GAB4: variants seen among roughly 807,000 people sequenced by gnomAD.
The protein encoded by GAB4 is GRB2-associated-binding protein 4.
A neutral mutation model predicts 51.3 loss-of-function variants in GAB4; 26 were observed. The ratio of observed to expected loss-of-function variants is 0.51; its 90% CI spans 0.37 to 0.70. The LOEUF is 0.70. Among genes scored for constraint, GAB4 ranks in the 30% least tolerant of loss-of-function variants. The pLI, the probability that GAB4 is intolerant of heterozygous loss-of-function variation, is 0.00. For synonymous variants in GAB4, 329 were observed against 291.2 expected, an observed-to-expected ratio of 1.13 and a Z score of -1.32; for missense variants, 759 against 734.6, an observed-to-expected ratio of 1.03 and a Z score of -0.38.
Position 16,987,960 on chromosome 22 carries a change from C to A in GAB4, c.686G>T (p.Arg229Met), listed in dbSNP as rs760414370. 2.5e-6 allele frequency: 4 copies of A among 1,595,226 alleles called. No individual in the cohort carries two copies. The South Asian group carries it at 4.5e-5, about 18-fold the overall frequency. ...CCCACTGGCCATAGTAGCCCCCTACCTTGCATGTTCTGCTCTCTGGCTGGC... is the reference window on the plus strand; with the variant it reads ...CCCACTGGCCATAGTAGCCCCCTACATTGCATGTTCTGCTCTCTGGCTGGC... ...QHASQRAEHA[R>M]SASFSQGSEA... The change falls in exon 3 of 10, where the codon AGG becomes ATG. Residue 229 changes from arginine to methionine, a missense_variant and splice_region_variant. Physicochemically the swap from Arg to Met is moderately conservative, Grantham distance 91. Around this residue, in one of 3 missense-constraint regions of GAB4, gnomAD observed 588 missense variants for 510.2 expected, o/e 1.15. Coordinates refer to ENST00000400588, the MANE Select transcript of GAB4 (RefSeq NM_001037814.1).
chr22:16,986,179 AT>A (rs2060865636), intron 3 of GAB4, among the ~76,000 whole-genome samples: 2 of 152,206 alleles, frequency 1.3e-5, no homozygotes, highest in Admixed American at 1.3e-4. Context: ...AGCCTTCTAC[AT>A]AAAGTGTGTC....
chr22:16,962,702 C>T lies in GAB4; in HGVS notation c.*31G>A. 1.3e-6 allele frequency: 2 copies of T among 1,599,458 alleles called. No homozygotes were observed. The highest frequency in any genetic ancestry group is 1.7e-6 in the Non-Finnish European group (2 of 1,175,232). On this transcript the variant is annotated 3_prime_UTR_variant, in exon 10 of 10. Transcript: ENST00000400588. ...TGGCGGAGCAGCTCTGAGGCACTGT[C>T]CTGGCCCCACTCTGGTTTTGGTGGC...
chr22:16,962,578 G>C lies in GAB4; in HGVS notation c.*155C>G, dbSNP rs568198419. 4.0e-4 allele frequency: 232 copies of C among 581,770 alleles called. 2 individuals carry two copies. The Middle Eastern group carries it at 5.9e-3, about 15-fold the overall frequency. The allele number at this position is 581,770 out of a possible 1,614,324, so 36.0% of individuals were successfully genotyped here. A position where few individuals can be genotyped will look rare whatever the true frequency, so the allele number is the denominator to read the frequency against. On this transcript the variant is annotated 3_prime_UTR_variant, in exon 10 of 10. Coordinates refer to ENST00000400588, the MANE Select transcript of GAB4 (RefSeq NM_001037814.1). ...AAGGTGGGGACCATGGCCAGCCAAA[G>C]GCACAGGTGGGCCCCAAGCAGGCAA...
At chr22:16,973,817 G>A (rs1377919233) in intron 3 of GAB4, among the ~76,000 whole-genome samples, 2 of 152,050 alleles carry the variant, frequency 1.3e-5, no homozygotes, top group Non-Finnish European at 2.9e-5. Flanking sequence ...ACAGCACCTG[G>A]GCTCCCATCA....
At chr22:17,001,678 G>A (rs994412986) in intron 1 of GAB4, among the ~76,000 whole-genome samples, 7 of 152,118 alleles carry the variant, frequency 4.6e-5, no homozygotes, top group African/African-American at 9.7e-5. Context: ...GCTTTGCTCC[G>A]TTGCTGTAGA....
At chr22:16,982,248 T>C (rs62237423) in intron 3 of GAB4, among the ~76,000 whole-genome samples, 2,306 of 152,304 alleles carry the variant, frequency 0.015, 33 homozygotes, top group Non-Finnish European at 0.02. Context: ...TTGTCCTTGT[T>C]TGCAGACAAT....
chr22:16,993,899 G>C (rs1235701577), intron 1 of GAB4, among the ~76,000 whole-genome samples: 1 of 152,058 alleles, frequency 6.6e-6, no homozygotes, highest in Non-Finnish European at 1.5e-5. Flanking sequence ...TGTGCCTATA[G>C]CCCTGGACCT....
At chr22:17,003,948 CA>C (rs1161140806) in intron 1 of GAB4, among the ~76,000 whole-genome samples, 1 of 151,902 alleles carries the variant, frequency 6.6e-6, no homozygotes, top group East Asian at 1.9e-4. Flanking sequence ...ATAGACACAA[CA>C]AAGAAGAATC....
chr22:16,978,081 G>A lies in GAB4; in HGVS notation c.687-7888C>T, dbSNP rs1396131426. 3.3e-5 allele frequency among the ~76,000 whole-genome samples: 5 copies of A among 151,950 alleles called. No individual in the cohort carries two copies. The South Asian group carries it at 8.3e-4, about 25-fold the overall frequency. ...CTAAAGGCCCATAAGAGAAAGCAGG[G>A]AAGATCTAAAATCAACACCCTAATA... On this transcript the variant is annotated intron_variant, in intron 3 of 9. Transcript: ENST00000400588.
chr22:16,969,864 G>A (rs1461802870), intron 4 of GAB4, 79 bp downstream of exon 4: 56 of 1,535,002 alleles, frequency 3.6e-5, no homozygotes, highest in Middle Eastern at 1.9e-4. Context: ...TGGGGTGGCC[G>A]GAACACCACT....
chr22:16,968,081 A>C, intron 5 of GAB4, among the ~76,000 whole-genome samples: 1 of 152,178 alleles, frequency 6.6e-6, no homozygotes, highest in East Asian at 1.9e-4. Context: ...AAGACTTGTG[A>C]TCCCATCTAC....
chr22:16,969,844 G>A, intron 4 of GAB4, 99 bp downstream of exon 4: 1 of 1,380,722 alleles, frequency 7.2e-7, no homozygotes, highest in Non-Finnish European at 1.0e-6. Context: ...GGAATCTGGT[G>A]CACTGAGAGT....
intron 1 of GAB4, among the ~76,000 whole-genome samples, chr22:16,994,565 T>C (rs1319383913): frequency 6.6e-6 from 1 of 152,244 alleles, no homozygotes; most frequent in Non-Finnish European, 1.5e-5. Context: ...TTTATGCTAC[T>C]GCATTATTTC....
chr22:16,963,591 G>A (rs535574090), intron 9 of GAB4, 134 bp downstream of exon 9: 4 of 678,672 alleles, frequency 5.9e-6, no homozygotes, highest in African/African-American at 3.6e-5. Flanking sequence ...GAGCACCACT[G>A]AGCATAAGAG....
chr22:16,978,864 A>T (rs2123678239), intron 3 of GAB4, among the ~76,000 whole-genome samples: 1 of 152,326 alleles, frequency 6.6e-6, no homozygotes, highest in South Asian at 2.1e-4. Context: ...CTGGGATGCA[A>T]GGCTGGTTCA....
At position 17,005,894 on chromosome 22, in the gene GAB4, G is replaced by C. The variant is rs143411295; in HGVS notation, c.174+2047C>G. 4.1e-3 allele frequency among the ~76,000 whole-genome samples: 625 copies of C among 152,240 alleles called. 6 individuals are homozygous for C. Among genetic ancestry groups the C allele is most frequent in the African/African-American group, 0.014 (575 of 41,538 alleles). ...GTCAAGATGGATTAAAGACTTAAACGTAAGACCTAAAACCATAGAAACCTT... is the reference window on the plus strand; with the variant it reads ...GTCAAGATGGATTAAAGACTTAAACCTAAGACCTAAAACCATAGAAACCTT... On this transcript the variant is annotated intron_variant, in intron 1 of 9. Coordinates refer to ENST00000400588, the MANE Select transcript of GAB4 (RefSeq NM_001037814.1).
intron 1 of GAB4, among the ~76,000 whole-genome samples, chr22:17,007,293 T>C (rs2061048247): frequency 1.3e-5 from 2 of 152,224 alleles, no homozygotes; most frequent in African/African-American, 4.8e-5. Context: ...CAATCTTCTT[T>C]TTTTCTAAAT....
intron 3 of GAB4, among the ~76,000 whole-genome samples, chr22:16,981,066 T>C (rs963005639): frequency 6.6e-5 from 10 of 152,132 alleles, no homozygotes; most frequent in African/African-American, 9.7e-5. Flanking sequence ...AGATGATGGG[T>C]TGATGGGTGC....
At chr22:16,997,955 T>C (rs1429283203) in intron 1 of GAB4, among the ~76,000 whole-genome samples, 1 of 152,226 alleles carries the variant, frequency 6.6e-6, no homozygotes, top group Non-Finnish European at 1.5e-5. Flanking sequence ...CAGATGGTTG[T>C]AAATGTGTGG....
Sources: allele counts gnomAD v4.1 joint callset (sites outside exome capture counted in the v4.1 genomes callset), GRCh38; gene constraint gnomAD v4.1.1; regional missense constraint gnomAD v4.1.1; transcripts MANE v1.5; gene names NCBI Gene and HGNC (gene_info 2026-07-23, HGNC 2026-07-21).